LRP1B: variants seen among roughly 807,000 people sequenced by gnomAD.
LRP1B encodes low-density lipoprotein receptor-related protein 1B.
Under a neutral mutation model 556.6 loss-of-function variants are expected in LRP1B, and 217 were observed. That is an observed-to-expected ratio of 0.39 (90% CI 0.35 to 0.44). LRP1B has a LOEUF of 0.44. Ranked by LOEUF, LRP1B falls within the 20% of genes least tolerant of loss-of-function variation. The probability of loss-of-function intolerance (pLI) is 1.00; values close to 1 mark genes in which losing one functional copy is unlikely to be tolerated. For missense variants in LRP1B, 5,053 were observed against 5,620.8 expected, an observed-to-expected ratio of 0.90 and a Z score of 3.23; for synonymous variants, 2,047 against 1,865.8, an observed-to-expected ratio of 1.10 and a Z score of -2.50.
intron 2 of LRP1B, among the ~76,000 whole-genome samples, chr2:141,641,571 A>G (rs1365157843): frequency 1.3e-5 from 2 of 152,204 alleles, no homozygotes; most frequent in Non-Finnish European, 2.9e-5. Flanking sequence ...CAACCCTTAA[A>G]TGCAATGCTA....
chr2:141,329,255 G>A (rs1687543330), intron 3 of LRP1B, among the ~76,000 whole-genome samples: 1 of 151,492 alleles, frequency 6.6e-6, no homozygotes, highest in Non-Finnish European at 1.5e-5. Flanking sequence ...GGGTATGGTG[G>A]CAGGCTCCTG....
In LRP1B at chr2:141,079,282, G is replaced by A. The variant is rs569191628; in HGVS notation, c.1014-17009C>T. Among the ~76,000 whole-genome samples, 15 of 152,252 alleles carry A rather than the reference G, an allele frequency of 9.9e-5. No individual in the cohort carries two copies. In the South Asian group the frequency reaches 3.1e-3, roughly 32 times the overall value. ...CTCTATAGCACACAAAACATTTTCT[G>A]TATCTAATAAACACAAATGACAGCA... On this transcript the variant is annotated intron_variant, in intron 7 of 90. Coordinates refer to ENST00000389484, the MANE Select transcript of LRP1B (RefSeq NM_018557.3).
intron 7 of LRP1B, among the ~76,000 whole-genome samples, chr2:141,107,125 T>A (rs941755451): frequency 1.3e-4 from 20 of 152,090 alleles, no homozygotes; most frequent in Admixed American, 7.2e-4. Context: ...CTTCCTTATG[T>A]GATTTATAAA....
At chr2:140,725,182 T>C (rs1425513901) in intron 35 of LRP1B, among the ~76,000 whole-genome samples, 1 of 152,174 alleles carries the variant, frequency 6.6e-6, no homozygotes, top group African/African-American at 2.4e-5. Context: ...CACCATCTTC[T>C]ACCTTTTCAA....
Position 141,883,878 on chromosome 2 carries a change from T to G in LRP1B, c.83-73477A>C, listed in dbSNP as rs141038411. On this transcript the variant is annotated intron_variant, in intron 1 of 90. Transcript: ENST00000389484. The stretch of plus-strand genomic sequence containing the variant: ...AACAACAACAAAATACCAGCACCCA[T>G]GAAGAATGTATTTTCCTACCAAATC... Among the ~76,000 whole-genome samples the G allele has an allele frequency of 7.3e-3, 1,108 of 152,268 alleles. 10 individuals are homozygous for G. The highest frequency in any genetic ancestry group is 0.025 in the African/African-American group (1,020 of 41,542).
chr2:141,811,374 A>G (rs1696351101), intron 1 of LRP1B, among the ~76,000 whole-genome samples: 1 of 152,066 alleles, frequency 6.6e-6, no homozygotes, highest in African/African-American at 2.4e-5. Flanking sequence ...ATAAATATCA[A>G]ATAAAAATTC....
intron 1 of LRP1B, among the ~76,000 whole-genome samples, chr2:141,839,930 CAT>C (rs1192316090): frequency 6.6e-6 from 1 of 152,110 alleles, no homozygotes; most frequent in Admixed American, 6.5e-5. Flanking sequence ...AATCCACAAA[CAT>C]GTGTCTTCCC....
chr2:141,407,770 C>A (rs1466000577), intron 3 of LRP1B, among the ~76,000 whole-genome samples: 1 of 152,158 alleles, frequency 6.6e-6, no homozygotes, highest in African/African-American at 2.4e-5. Context: ...AACCAATAAA[C>A]CTCTTTTCTT....
intron 2 of LRP1B, among the ~76,000 whole-genome samples, chr2:141,608,886 T>C (rs746711035): frequency 9.2e-5 from 14 of 152,192 alleles, no homozygotes; most frequent in Admixed American, 2.0e-4. Flanking sequence ...AAAATAAACG[T>C]TGGCTGATAA....
intron 6 of LRP1B, among the ~76,000 whole-genome samples, chr2:141,202,037 T>C (rs1407917519): frequency 2.0e-5 from 3 of 151,198 alleles, no homozygotes; most frequent in African/African-American, 7.3e-5. Flanking sequence ...GCCATGATGG[T>C]TTGCCACACA....
At chr2:142,125,440 G>A (rs1369342845) in intron 1 of LRP1B, among the ~76,000 whole-genome samples, 1 of 151,768 alleles carries the variant, frequency 6.6e-6, no homozygotes, top group African/African-American at 2.4e-5. Context: ...AATTGAGTGA[G>A]TGAGGTAAAG....
intron 27 of LRP1B, among the ~76,000 whole-genome samples, chr2:140,853,680 TA>T (rs1692527003): frequency 1.6e-5 from 1 of 60,858 alleles, no homozygotes; most frequent in South Asian, 6.2e-4. Flanking sequence ...TTGTATTTGT[TA>T]AAAACAATAA....
intron 49 of LRP1B, among the ~76,000 whole-genome samples, chr2:140,523,434 G>A (rs1363688893): frequency 6.6e-6 from 1 of 151,828 alleles, no homozygotes; most frequent in African/African-American, 2.4e-5. Context: ...CAAATTGAAG[G>A]TGCAAAAGCT....
chr2:141,819,774 T>G (rs1177041055), intron 1 of LRP1B, among the ~76,000 whole-genome samples: 1 of 152,174 alleles, frequency 6.6e-6, no homozygotes, highest in Non-Finnish European at 1.5e-5. Flanking sequence ...AAATGATAAA[T>G]GTTTGAAATG....
intron 12 of LRP1B, among the ~76,000 whole-genome samples, chr2:141,019,277 G>T (rs981148431): frequency 1.3e-5 from 2 of 152,006 alleles, no homozygotes; most frequent in Non-Finnish European, 2.9e-5. Flanking sequence ...AATTACGGTG[G>T]TATCTAAAAT....
intron 82 of LRP1B, among the ~76,000 whole-genome samples, chr2:140,321,492 T>C (rs1680125365): frequency 6.6e-6 from 1 of 151,906 alleles, no homozygotes; most frequent in African/African-American, 2.4e-5. Flanking sequence ...GTAGTAGTAG[T>C]ATTGTAAGTC....
At chr2:141,647,297 C>T (rs1490577540) in intron 2 of LRP1B, among the ~76,000 whole-genome samples, 2 of 152,114 alleles carry the variant, frequency 1.3e-5, no homozygotes, top group African/African-American at 2.4e-5. Flanking sequence ...AACTTCTAGC[C>T]CTCTCTGGTC....
rs72986549 is a variant in LRP1B, at chr2:141,966,550, G to A, written c.83-156149C>T. 6.5e-3 allele frequency among the ~76,000 whole-genome samples: 988 copies of A among 151,808 alleles called. 12 individuals carry two copies. Among genetic ancestry groups the A allele is most frequent in the African/African-American group, 0.022 (929 of 41,472 alleles). ...AGACAATGGTGCAGATTTTAACTCA[G>A]AGTGAAGTGAAAAATACTCAACATA... On this transcript the variant is annotated intron_variant, in intron 1 of 90. Coordinates refer to ENST00000389484, the MANE Select transcript of LRP1B (RefSeq NM_018557.3).
intron 2 of LRP1B, among the ~76,000 whole-genome samples, chr2:141,603,749 A>T (rs865825115): frequency 1.1e-4 from 17 of 152,206 alleles, no homozygotes; most frequent in African/African-American, 4.1e-4. Flanking sequence ...ACTTAAAAAG[A>T]TAGATCTTTC....
Sources: gnomAD v4.1 joint callset for allele counts (sites outside exome capture counted in the v4.1 genomes callset) on GRCh38, gnomAD v4.1.1 for gene constraint, MANE v1.5 for transcripts, NCBI Gene and HGNC (gene_info 2026-07-23, HGNC 2026-07-21) for gene names.